Variants in SSBP2 observed in about 807,000 individuals in gnomAD.
SSBP2 encodes the protein single stranded DNA binding protein 2, also known as single-stranded DNA-binding protein 2.
In SSBP2, 17 loss-of-function variants were observed where a neutral mutation model predicts 61.8. The ratio of observed to expected loss-of-function variants is 0.28; its 90% confidence interval spans 0.19 to 0.41. SSBP2 has a LOEUF of 0.41. SSBP2 is among the 10% of genes least tolerant of loss of function. The pLI, the probability that SSBP2 is intolerant of heterozygous loss-of-function variation, is 1.00. For synonymous variants in SSBP2, 139 were observed against 141.3 expected, an observed-to-expected ratio of 0.98 and a Z score of 0.12; for missense variants, 310 against 458.7, an observed-to-expected ratio of 0.68 and a Z score of 2.96.
intron 1 of SSBP2, among the ~76,000 whole-genome samples, chr5:81,662,096 CTT>C (rs953012897): frequency 1.2e-4 from 18 of 152,158 alleles, no homozygotes; most frequent in Non-Finnish European, 4.4e-5. Context: ...TGAATAAGCA[CTT>C]AAGTGACTTC....
At chr5:81,536,479 C>T (rs974801830) in intron 4 of SSBP2, among the ~76,000 whole-genome samples, 1 of 152,062 alleles carries the variant, frequency 6.6e-6, no homozygotes, top group African/African-American at 2.4e-5. Context: ...CCAACCTCCA[C>T]CCACCTGATA....
chr5:81,591,169 A>T (rs1352986635), intron 4 of SSBP2, among the ~76,000 whole-genome samples: 2 of 152,210 alleles, frequency 1.3e-5, no homozygotes, highest in Admixed American at 6.5e-5. Context: ...ACCAGCCTCC[A>T]TCCTAAACAC....
intron 12 of SSBP2, among the ~76,000 whole-genome samples, chr5:81,444,387 G>A (rs1262378222): frequency 6.6e-6 from 1 of 152,148 alleles, no homozygotes; most frequent in African/African-American, 2.4e-5. Flanking sequence ...TATCTCAAAT[G>A]TTATGTCTTC....
intron 8 of SSBP2, among the ~76,000 whole-genome samples, chr5:81,473,203 G>C (rs910159737): frequency 1.1e-4 from 16 of 152,030 alleles, no homozygotes; most frequent in African/African-American, 3.6e-4. Flanking sequence ...TCAGCATCTA[G>C]GTTTCTGCAC....
At chr5:81,668,272 A>AC (rs1751324559) in intron 1 of SSBP2, among the ~76,000 whole-genome samples, 1 of 145,094 alleles carries the variant, frequency 6.9e-6, no homozygotes, top group Non-Finnish European at 1.5e-5. Flanking sequence ...AAAAAAAAAA[A>AC]ACAGGAAAAA....
intron 4 of SSBP2, among the ~76,000 whole-genome samples, chr5:81,549,663 T>G (rs1477254088): frequency 2.6e-5 from 4 of 152,190 alleles, no homozygotes; most frequent in Non-Finnish European, 5.9e-5. Context: ...CATACAAAAA[T>G]TATACCAATT....
chr5:81,423,903 T>G (rs936019025), intron 16 of SSBP2, among the ~76,000 whole-genome samples: 7 of 152,216 alleles, frequency 4.6e-5, no homozygotes, highest in African/African-American at 1.7e-4. Flanking sequence ...CCATTTTTAT[T>G]TATTGCTATC....
At chr5:81,587,411 G>T (rs1365020742) in intron 4 of SSBP2, among the ~76,000 whole-genome samples, 1 of 152,100 alleles carries the variant, frequency 6.6e-6, no homozygotes, top group Admixed American at 6.5e-5. Context: ...GTTAAATAGG[G>T]TATCAGTGTG....
At chr5:81,540,652 T>A (rs1771193875) in intron 4 of SSBP2, among the ~76,000 whole-genome samples, 1 of 152,220 alleles carries the variant, frequency 6.6e-6, no homozygotes, top group South Asian at 2.1e-4. Context: ...ATGTACATTG[T>A]TTCTTTAGGT....
intron 6 of SSBP2, among the ~76,000 whole-genome samples, chr5:81,486,037 G>A (rs1295710660): frequency 2.6e-5 from 4 of 152,112 alleles, no homozygotes; most frequent in African/African-American, 2.4e-5. Flanking sequence ...GATGATAGCT[G>A]TTTGAATTAA....
chr5:81,512,125 C>T (rs1768656319), intron 5 of SSBP2, among the ~76,000 whole-genome samples: 1 of 152,020 alleles, frequency 6.6e-6, no homozygotes, highest in Admixed American at 6.6e-5. Flanking sequence ...TAACTCCTAC[C>T]CATCTTTGGT....
intron 10 of SSBP2, among the ~76,000 whole-genome samples, chr5:81,453,421 T>C (rs1763909550): frequency 1.3e-5 from 2 of 151,466 alleles, no homozygotes; most frequent in Admixed American, 1.3e-4. Context: ...AGGTAGCAGA[T>C]GCAGTGATTA....
intron 15 of SSBP2, among the ~76,000 whole-genome samples, chr5:81,432,846 G>C (rs1762392859): frequency 6.6e-6 from 1 of 150,936 alleles, no homozygotes; most frequent in Non-Finnish European, 1.5e-5. Flanking sequence ...CCCCGTCCGG[G>C]AGGTGAGGGG....
At chr5:81,696,369 CTT>C (rs1753599741) in intron 1 of SSBP2, among the ~76,000 whole-genome samples, 1 of 152,162 alleles carries the variant, frequency 6.6e-6, no homozygotes, top group Admixed American at 6.5e-5. Flanking sequence ...AGAGGATACT[CTT>C]TTCTCTCTTG....
At chr5:81,741,810 A>C (rs982591356) in intron 1 of SSBP2, among the ~76,000 whole-genome samples, 1 of 152,264 alleles carries the variant, frequency 6.6e-6, no homozygotes, top group Non-Finnish European at 1.5e-5. Context: ...AGAGTTAAGT[A>C]ATTTTACAGA....
chr5:81,602,722 T>C (rs1744490937), intron 4 of SSBP2, among the ~76,000 whole-genome samples: 2 of 152,198 alleles, frequency 1.3e-5, no homozygotes. Flanking sequence ...CCATATATCA[T>C]GAGACAGGGC....
intron 2 of SSBP2, among the ~76,000 whole-genome samples, chr5:81,638,251 A>C (rs1748430519): frequency 6.6e-6 from 1 of 152,092 alleles, no homozygotes; most frequent in Non-Finnish European, 1.5e-5. Context: ...CTTAAAGTAT[A>C]ATAATAATAA....
chr5:81,443,726 C>T (rs1328291900), intron 12 of SSBP2, among the ~76,000 whole-genome samples: 1 of 152,176 alleles, frequency 6.6e-6, no homozygotes, highest in Non-Finnish European at 1.5e-5. Flanking sequence ...CCACGCCTGG[C>T]TAATTTTTTA....
At chr5:81,719,154 T>C (rs1027709983) in intron 1 of SSBP2, among the ~76,000 whole-genome samples, 18 of 152,108 alleles carry the variant, frequency 1.2e-4, no homozygotes, top group African/African-American at 4.3e-4. Context: ...TTGCCACAGG[T>C]TTCAACACAA....
Sources: gnomAD v4.1 joint callset for allele counts (sites outside exome capture counted in the v4.1 genomes callset) on GRCh38, gnomAD v4.1.1 for gene constraint, MANE v1.5 for transcripts, NCBI Gene and HGNC (gene_info 2026-07-23, HGNC 2026-07-21) for gene names.